Variants in ARHGEF10 observed in about 807,000 individuals in gnomAD.
The protein encoded by ARHGEF10 is Rho guanine nucleotide exchange factor 10.
In ARHGEF10, 140 loss-of-function variants were observed where a neutral mutation model predicts 147.4. That is an observed-to-expected ratio of 0.95 (90% CI 0.83 to 1.09). ARHGEF10 has a LOEUF of 1.09. ARHGEF10 is among the 50% of genes least tolerant of loss of function. The pLI is 0.00. For missense variants in ARHGEF10, 2,222 were observed against 1,752.7 expected (o/e 1.27, Z -4.78); for synonymous variants, 902 against 695.8 (o/e 1.30, Z -4.67).
intron 11 of ARHGEF10, among the ~76,000 whole-genome samples, chr8:1,892,890 G>C (rs1809661566): frequency 6.6e-6 from 1 of 152,140 alleles, no homozygotes; most frequent in African/African-American, 2.4e-5. Flanking sequence ...CGTCCTCATA[G>C]GCCTTTCACG....
At chr8:1,935,287 A>G (rs774113720) in intron 26 of ARHGEF10, among the ~76,000 whole-genome samples, 4 of 152,204 alleles carry the variant, frequency 2.6e-5, no homozygotes, top group East Asian at 3.9e-4. Context: ...TGGGCCTGTC[A>G]TCATTGCCCA....
At chr8:1,950,032 C>T (rs1814902592) in intron 27 of ARHGEF10, among the ~76,000 whole-genome samples, 1 of 152,154 alleles carries the variant, frequency 6.6e-6, no homozygotes, top group African/African-American at 2.4e-5. Flanking sequence ...TGGCTGCCTG[C>T]AGAAGGCCCT....
chr8:1,929,246 C>T (rs776745854), intron 24 of ARHGEF10, 40 bp from the exon 25 acceptor site: 27 of 1,606,254 alleles, frequency 1.7e-5, no homozygotes, highest in South Asian at 2.2e-5. Flanking sequence ...CTTGTTACAA[C>T]GAGCAAATAT....
chr8:1,956,711 A>C, intron 28 of ARHGEF10, 38 bp from the exon 29 acceptor site: 1 of 1,613,218 alleles, frequency 6.2e-7, no homozygotes, highest in Non-Finnish European at 8.5e-7. Flanking sequence ...AATTTTGCCT[A>C]TTTTAAAAGA....
chr8:1,907,289 C>G (rs1810974155), intron 17 of ARHGEF10, among the ~76,000 whole-genome samples: 1 of 152,156 alleles, frequency 6.6e-6, no homozygotes, highest in African/African-American at 2.4e-5. Flanking sequence ...CATGTAACAC[C>G]TGGAAAGTTA....
At position 1,866,445 on chromosome 8, in the gene ARHGEF10, AC is replaced by A. The variant is rs1267186284; in HGVS notation, c.546-80del. Reference sequence around the variant, plus strand: ...CTGACACACACACACACACACACACACACACTCTGCAGGGCAGTTGGCATCC... The same window carrying A: ...CTGACACACACACACACACACACACAACACTCTGCAGGGCAGTTGGCATCC... On this transcript the variant is annotated intron_variant, in intron 5 of 28. Transcript: ENST00000349830. 7.0e-5 allele frequency: 77 copies of A among 1,098,414 alleles called. No homozygotes were observed. The African/African-American group carries it at 1.1e-3, about 15-fold the overall frequency. 68.0% of individuals were successfully genotyped at this position (1,098,414 alleles called of 1,614,324 possible).
At chr8:1,934,372 A>AC (rs1554511986) in intron 26 of ARHGEF10, among the ~76,000 whole-genome samples, 7 of 149,000 alleles carry the variant, frequency 4.7e-5, no homozygotes, top group African/African-American at 1.7e-4. Context: ...AAAAAAAAAA[A>AC]GGAAAGGGAA....
At chr8:1,841,810 G>A (rs74944972) in intron 1 of ARHGEF10, among the ~76,000 whole-genome samples, 7,784 of 107,376 alleles carry the variant, frequency 0.072, 481 homozygotes, top group African/African-American at 0.23. Flanking sequence ...CTAGGAACTG[G>A]GGCCGCGGCG....
chr8:1,933,821 C>T lies in ARHGEF10; in HGVS notation c.3101C>T (p.Pro1034Leu). The T allele has an allele frequency of 6.2e-7, 1 of 1,614,118 alleles. No homozygotes were observed. The highest frequency in any genetic ancestry group is 1.3e-5 in the African/African-American group (1 of 75,008). ...RAPDGSWDSE[P>L]QKVIKLGVLP... ...TAAGATGGATCCTGGGATTCAGAAC[C>T]TCAAAAAGTGATCAAGTTAGGCGTC... is the stretch of plus-strand genomic sequence containing the variant. Residue 1034 changes from proline to leucine, a missense_variant, in exon 26 of 29, where the codon CCT becomes CTT. Pro to Leu is a moderately conservative substitution (Grantham distance 98). Transcript: ENST00000349830.
chr8:1,897,616 G>C (rs1810108458), intron 14 of ARHGEF10, among the ~76,000 whole-genome samples: 1 of 151,510 alleles, frequency 6.6e-6, no homozygotes. Context: ...TGTGGGCTCT[G>C]TCCTAAGGCA....
intron 2 of ARHGEF10, among the ~76,000 whole-genome samples, chr8:1,845,385 G>T (rs56270631): frequency 0.14 from 21,465 of 152,240 alleles, 1,929 homozygotes; most frequent in African/African-American, 0.26. Flanking sequence ...GAGCACCAGA[G>T]CTTGCGTGCT....
intron 11 of ARHGEF10, among the ~76,000 whole-genome samples, chr8:1,888,411 T>TTGTGAGGAGACACTGAGTGTGGAGGGC (rs1808977495): frequency 8.0e-6 from 1 of 125,118 alleles, no homozygotes; most frequent in African/African-American, 3.2e-5. Flanking sequence ...GGGGTGAGAG[T>TTGTGAGGAGACACTGAGTGTGGAGGGC]TGTGAGGAGA....
At chr8:1,934,142 C>T (rs1038862843) in intron 26 of ARHGEF10, among the ~76,000 whole-genome samples, 200 bp downstream of exon 26, 2 of 152,096 alleles carry the variant, frequency 1.3e-5, no homozygotes, top group Admixed American at 1.3e-4. Flanking sequence ...CCAGATCAGC[C>T]TGGGCAACAA....
chr8:1,933,667 A>G, intron 25 of ARHGEF10, 133 bp from the exon 26 acceptor site: 2 of 1,193,744 alleles, frequency 1.7e-6, no homozygotes, highest in Non-Finnish European at 2.4e-6. Context: ...AGACACAGCC[A>G]GGATCAGGCA....
chr8:1,833,919 G>C (rs1195152091), intron 1 of ARHGEF10, among the ~76,000 whole-genome samples: 4 of 152,196 alleles, frequency 2.6e-5, no homozygotes, highest in South Asian at 2.1e-4. Context: ...TTGGGGAGCC[G>C]TGTCGGGGCT....
chr8:1,923,592 A>C lies in ARHGEF10; in HGVS notation c.2384A>C (p.Asp795Ala). 1 of 1,614,150 alleles carries C rather than the reference A, an allele frequency of 6.2e-7. No homozygotes were observed. Among genetic ancestry groups the C allele is most frequent in the Non-Finnish European group, 8.5e-7 (1 of 1,180,042 alleles). The change falls in exon 20 of 29, where the codon GAC becomes GCC. Residue 795 changes from aspartate (D) to alanine (A), a missense_variant. Transcript: ENST00000349830. ...RIQLQLPGKQ[D>A]KSGRPTFFTA... ...CAGTTACAGCTTCCCGGGAAGCAGG[A>C]CAAGTTAGTAGTAGCTTTAAAACGA...
rs14375 is a variant in ARHGEF10, at chr8:1,958,464, G to T, written c.*1201G>T. ...AAGAAAAAAATCCTAACACAGGCAG[G>T]CACCAGAAATAAATGTCTCAGCACT... is the stretch of plus-strand genomic sequence containing the variant. On this transcript the variant is annotated 3_prime_UTR_variant, in exon 29 of 29. Coordinates refer to ENST00000349830, the MANE Select transcript of ARHGEF10 (RefSeq NM_014629.4). 142,324 of 152,252 alleles carry T rather than the reference G, an allele frequency of 0.93. 66,559 individuals carry two copies. Among genetic ancestry groups the T allele is most frequent in the East Asian group, 1 (5,174 of 5,184 alleles). The allele number at this position is 152,252 out of a possible 1,614,324, so 9.4% of individuals were successfully genotyped here.
chr8:1,873,511 TTGAGAG>T (rs1203601288), intron 7 of ARHGEF10, among the ~76,000 whole-genome samples: 3,768 of 49,338 alleles, frequency 0.076, 242 homozygotes, highest in East Asian at 0.26. Context: ...ATTTCCTCGT[TTGAGAG>T]GCGCCCGCGG....
intron 1 of ARHGEF10, among the ~76,000 whole-genome samples, chr8:1,827,605 G>A (rs367938509): frequency 3.4e-4 from 52 of 152,266 alleles, no homozygotes; most frequent in African/African-American, 1.2e-3. Flanking sequence ...TGCATGCCCC[G>A]TCAAAATGAT....
Sources: gnomAD v4.1 joint callset for allele counts (sites outside exome capture counted in the v4.1 genomes callset) on GRCh38, gnomAD v4.1.1 for gene constraint, MANE v1.5 for transcripts, NCBI Gene and HGNC (gene_info 2026-07-23, HGNC 2026-07-21) for gene names.